MYCBP2: variants seen among roughly 807,000 people sequenced by gnomAD.
MYCBP2 encodes MYC binding protein 2.
MYCBP2 carries 120 observed loss-of-function variants against 525.3 expected under a neutral mutation model. The ratio of observed to expected loss-of-function variants is 0.23; its 90% CI spans 0.20 to 0.27. MYCBP2 has a LOEUF of 0.27. MYCBP2 is among the 10% of genes least tolerant of loss of function. The pLI is 1.00. For synonymous variants in MYCBP2, 1,894 were observed against 1,955.8 expected, an observed-to-expected ratio of 0.97 and a Z score of 0.83; for missense variants, 4,149 against 5,657.1, an observed-to-expected ratio of 0.73 and a Z score of 8.55.
chr13:77,201,509 C>A (rs1237168393), intron 26 of MYCBP2, among the ~76,000 whole-genome samples: 1 of 152,050 alleles, frequency 6.6e-6, no homozygotes, highest in Non-Finnish European at 1.5e-5. Context: ...ACAAGGATAT[C>A]CAGGAATTGA....
intron 18 of MYCBP2, among the ~76,000 whole-genome samples, chr13:77,225,880 A>G (rs2066182516): frequency 6.6e-6 from 1 of 152,210 alleles, no homozygotes; most frequent in South Asian, 2.1e-4. Flanking sequence ...ATATGGGAAA[A>G]TTTAGTTTCC....
At chr13:77,301,078 T>C (rs993942559) in intron 1 of MYCBP2, among the ~76,000 whole-genome samples, 2 of 152,148 alleles carry the variant, frequency 1.3e-5, no homozygotes, top group African/African-American at 4.8e-5. Flanking sequence ...CCCAGTGGTA[T>C]ATCTCCTCAG....
intron 55 of MYCBP2, among the ~76,000 whole-genome samples, chr13:77,114,629 A>C (rs993318935): frequency 2.0e-5 from 3 of 152,070 alleles, no homozygotes; most frequent in African/African-American, 7.2e-5. Flanking sequence ...TATAATAGAA[A>C]AACTCTTGTT....
At chr13:77,249,486 C>A (rs1217966686) in intron 15 of MYCBP2, among the ~76,000 whole-genome samples, 3 of 152,052 alleles carry the variant, frequency 2.0e-5, no homozygotes, top group Non-Finnish European at 4.4e-5. Context: ...CAAAAGGGAC[C>A]AGATAATTTA....
At chr13:77,220,955 G>A (rs1342515862) in intron 20 of MYCBP2, among the ~76,000 whole-genome samples, 1 of 152,116 alleles carries the variant, frequency 6.6e-6, no homozygotes, top group Non-Finnish European at 1.5e-5. Flanking sequence ...AATGGAACAA[G>A]GACCAAAACA....
At chr13:77,154,372 AAGG>A (rs1386479114) in intron 46 of MYCBP2, among the ~76,000 whole-genome samples, 3 of 151,800 alleles carry the variant, frequency 2.0e-5, no homozygotes, top group African/African-American at 4.8e-5. Flanking sequence ...AAGAAGGAAA[AAGG>A]AGAAGGAGGT....
At chr13:77,318,561 C>G (rs2081234173) in intron 1 of MYCBP2, among the ~76,000 whole-genome samples, 1 of 152,184 alleles carries the variant, frequency 6.6e-6, no homozygotes, top group African/African-American at 2.4e-5. Context: ...CGAGACCAGC[C>G]TGACCAATAT....
chr13:77,317,918 C>G (rs760687772), intron 1 of MYCBP2, among the ~76,000 whole-genome samples: 1 of 151,560 alleles, frequency 6.6e-6, no homozygotes, highest in Non-Finnish European at 1.5e-5. Flanking sequence ...GCTTGGGCAA[C>G]AGAGCAAGAC....
intron 1 of MYCBP2, among the ~76,000 whole-genome samples, chr13:77,302,219 G>C (rs1167839206): frequency 6.6e-6 from 1 of 152,114 alleles, no homozygotes; most frequent in Admixed American, 6.5e-5. Flanking sequence ...GGAACTTTAA[G>C]CAGGAAAATC....
chr13:77,061,439 C>G (rs2039281469), intron 75 of MYCBP2, 138 bp from the exon 76 acceptor site: 1 of 908,212 alleles, frequency 1.1e-6, no homozygotes, highest in Non-Finnish European at 1.6e-6. Context: ...CCAATCTTCT[C>G]TTTAATCTTC....
chr13:77,182,609 C>A (rs1200958713), intron 32 of MYCBP2, among the ~76,000 whole-genome samples: 1 of 152,142 alleles, frequency 6.6e-6, no homozygotes, highest in Non-Finnish European at 1.5e-5. Flanking sequence ...CCATATCAGA[C>A]TGGGAAGGTT....
At chr13:77,217,259 A>G (rs2064952526) in intron 21 of MYCBP2, among the ~76,000 whole-genome samples, 1 of 152,236 alleles carries the variant, frequency 6.6e-6, no homozygotes, top group African/African-American at 2.4e-5. Flanking sequence ...GTATTAGCAC[A>G]GTCTCGCAAA....
intron 39 of MYCBP2, among the ~76,000 whole-genome samples, chr13:77,169,343 C>T (rs1166331874): frequency 2.2e-5 from 3 of 137,988 alleles, no homozygotes; most frequent in African/African-American, 5.4e-5. Flanking sequence ...TTGCAGTGAG[C>T]GGAGATCGCG....
chr13:77,082,687 A>G (rs2154106373), intron 63 of MYCBP2, among the ~76,000 whole-genome samples: 1 of 152,240 alleles, frequency 6.6e-6, no homozygotes, highest in South Asian at 2.1e-4. Context: ...TTTCAAGTCA[A>G]AACTCTATTT....
intron 54 of MYCBP2, 95 bp downstream of exon 54, chr13:77,125,241 C>G: frequency 6.8e-7 from 1 of 1,462,994 alleles, no homozygotes; most frequent in Non-Finnish European, 9.2e-7. Flanking sequence ...AGCAAACACA[C>G]AAAAAACTCT....
At chr13:77,250,005 CGA>C (rs2070874128) in intron 15 of MYCBP2, among the ~76,000 whole-genome samples, 1 of 151,956 alleles carries the variant, frequency 6.6e-6, no homozygotes, top group Admixed American at 6.6e-5. Context: ...GGGCGGATCA[CGA>C]GGTCAGGAGA....
intron 26 of MYCBP2, among the ~76,000 whole-genome samples, chr13:77,197,927 T>C (rs1420459462): frequency 6.6e-6 from 1 of 152,048 alleles, no homozygotes; most frequent in African/African-American, 2.4e-5. Context: ...ATAGGGCCAA[T>C]ATAAAAACAA....
Position 77,095,359 on chromosome 13 carries a change from T to C in MYCBP2, c.10198A>G (p.Arg3400Gly). Residue 3400 changes from arginine (R) to glycine (G), a missense_variant and splice_region_variant, in exon 58 of 83, where the codon AGG becomes GGG. This residue lies in a region of MYCBP2 where 509 missense variants were observed against 789.4 expected (regional missense o/e 0.64). Transcript: ENST00000544440. The part of the protein sequence containing the change: ...MPCLYLQTLA[R>G]HHHENFVGYQ... ...AAAACAACAGCAAAATTTTATTACC[T>C]AGCTAATGTCTGCAGGTAGAGACAA... 6.2e-7 allele frequency: 1 copy of C among 1,613,076 alleles called. No homozygotes were observed. The highest frequency in any genetic ancestry group is 8.5e-7 in the Non-Finnish European group (1 of 1,179,482).
In MYCBP2 at chr13:77,270,016, T is replaced by C; in HGVS notation, c.1236A>G (p.Lys412=). The C allele has an allele frequency of 6.2e-7, 1 of 1,612,336 alleles. No homozygotes were observed. The highest frequency in any genetic ancestry group is 1.7e-4 in the Middle Eastern group (1 of 6,052). ...CCTGAGCATACCCTAACCAAGACTTTTTTTCTTTTCTGTTTCTAATACGGG... is the reference window on the plus strand; with the variant it reads ...CCTGAGCATACCCTAACCAAGACTTCTTTTCTTTTCTGTTTCTAATACGGG... The part of the protein sequence containing the change: ...STSRIRNRKE[K]KSWLGYAQGY... The change falls in exon 7 of 83, where the codon AAA becomes AAG. Residue 412 remains lysine, a synonymous_variant. Transcript: ENST00000544440.
Sources: gnomAD v4.1 joint callset for allele counts (sites outside exome capture counted in the v4.1 genomes callset) on GRCh38, gnomAD v4.1.1 for gene constraint, gnomAD v4.1.1 regional missense constraint, MANE v1.5 for transcripts, NCBI Gene and HGNC (gene_info 2026-07-23, HGNC 2026-07-21) for gene names.